Variants in MALT1 observed in about 807,000 individuals in gnomAD.
The protein encoded by MALT1 is mucosa-associated lymphoid tissue lymphoma translocation protein 1.
Under a neutral mutation model 85.5 loss-of-function variants are expected in MALT1, and 36 were observed. The observed-to-expected ratio is 0.42, with a 90% CI of 0.32 to 0.56. MALT1 has a LOEUF of 0.56. MALT1 is among the 20% of genes least tolerant of loss of function. The pLI is 0.10. For synonymous variants in MALT1, 359 were observed against 361.3 expected, an observed-to-expected ratio of 0.99 and a Z score of 0.07; for missense variants, 716 against 981.6, an observed-to-expected ratio of 0.73 and a Z score of 3.62.
At chr18:58,701,086 C>T (rs980405170) in intron 4 of MALT1, among the ~76,000 whole-genome samples, 1 of 152,124 alleles carries the variant, frequency 6.6e-6, no homozygotes, top group African/African-American at 2.4e-5. Flanking sequence ...AGCCAGCATG[C>T]CCGGCCTGCT....
At chr18:58,726,048 G>A (rs1019530583) in intron 10 of MALT1, among the ~76,000 whole-genome samples, 4 of 152,136 alleles carry the variant, frequency 2.6e-5, no homozygotes, top group African/African-American at 4.8e-5. Flanking sequence ...GCAACAAAGC[G>A]AGACTCCATC....
chr18:58,675,591 ATCAT>A (rs1471819370), intron 1 of MALT1: 2 of 152,218 alleles, frequency 1.3e-5, no homozygotes, highest in African/African-American at 2.4e-5. Context: ...TCATTCAGTA[ATCAT>A]TCATTTATGA....
Position 58,671,588 on chromosome 18 carries a change from A to C in MALT1, c.-56A>C, listed in dbSNP as rs533406974. The C allele has an allele frequency of 2.4e-4, 276 of 1,132,672 alleles. 3 individuals are homozygous for C. In the South Asian group the frequency reaches 0.011, roughly 45 times the overall value. 70.2% of individuals were successfully genotyped at this position (1,132,672 alleles called of 1,614,324 possible). A position where few individuals can be genotyped will look rare whatever the true frequency, so the allele number is the denominator to read the frequency against. ...GCGAGCGGAAGGTGCCCCGGGGCCG[A>C]GGCCCGTGACGGGGCGGGCGGGAGC... On this transcript the variant is annotated 5_prime_UTR_variant, in exon 1 of 17. Coordinates refer to ENST00000649217, the MANE Select transcript of MALT1 (RefSeq NM_006785.4).
In MALT1 at chr18:58,748,090, T is replaced by TTATA. The variant is rs1224137572; in HGVS notation, c.*250_*253dup. Reference sequence around the variant, plus strand: ...AAATGAAGTATGGAGGTGTGTATGTTTATATGTATATAACAAAATATTTTC... The same window carrying TTATA: ...AAATGAAGTATGGAGGTGTGTATGTTTATATATATGTATATAACAAAATATTTTC... On this transcript the variant is annotated 3_prime_UTR_variant, in exon 17 of 17. Transcript: ENST00000649217. 1 of 469,502 alleles carries TTATA rather than the reference T, an allele frequency of 2.1e-6. No individual in the cohort carries two copies. Among genetic ancestry groups the TTATA allele is most frequent in the Admixed American group, 3.9e-5 (1 of 25,960 alleles). The allele number at this position is 469,502 out of a possible 1,614,324, so 29.1% of individuals were successfully genotyped here.
At chr18:58,728,240 T>G (rs1313714298) in intron 10 of MALT1, among the ~76,000 whole-genome samples, 1 of 152,214 alleles carries the variant, frequency 6.6e-6, no homozygotes, top group Non-Finnish European at 1.5e-5. Flanking sequence ...TATTTTCTTC[T>G]CTATCCTTGA....
chr18:58,748,002 A>G lies in MALT1; in HGVS notation c.*160A>G. The G allele has an allele frequency of 1.7e-6, 1 of 605,038 alleles. No individual in the cohort carries two copies. The allele number at this position is 605,038 out of a possible 1,614,324, so 37.5% of individuals were successfully genotyped here. A position where few individuals can be genotyped will look rare whatever the true frequency, so the allele number is the denominator to read the frequency against. ...TTCAGGACTTTGAGATGTTGAAATT[A>G]CATTATTTAATTACAGACTTCCTCT... On this transcript the variant is annotated 3_prime_UTR_variant, in exon 17 of 17. Coordinates refer to ENST00000649217, the MANE Select transcript of MALT1 (RefSeq NM_006785.4).
At chr18:58,701,289 C>T (rs2054668783) in intron 4 of MALT1, among the ~76,000 whole-genome samples, 1 of 152,136 alleles carries the variant, frequency 6.6e-6, no homozygotes. Flanking sequence ...TTCGTTTCTC[C>T]CTGCTGCTTC....
In MALT1 at chr18:58,703,926, A is replaced by T. The variant is rs1336268750; in HGVS notation, c.649+3335A>T. Among the ~76,000 whole-genome samples, 3 of 152,184 alleles carry T rather than the reference A, an allele frequency of 2.0e-5. 1 individual carries two copies. The highest frequency in any genetic ancestry group is 4.4e-5 in the Non-Finnish European group (3 of 68,036). On this transcript the variant is annotated intron_variant, in intron 4 of 16. Coordinates refer to ENST00000649217, the MANE Select transcript of MALT1 (RefSeq NM_006785.4). ...CCATTTAACATATATATAGTCATTG[A>T]CCAGTCTAGATATTTTATATTCAGC...
intron 2 of MALT1, among the ~76,000 whole-genome samples, chr18:58,695,420 C>T (rs527743136): frequency 2.0e-4 from 31 of 152,166 alleles, no homozygotes; most frequent in Non-Finnish European, 4.3e-4. Flanking sequence ...GTCTTCCAAG[C>T]TTAGATGTTG....
At chr18:58,701,885 T>A (rs2054677409) in intron 4 of MALT1, among the ~76,000 whole-genome samples, 1 of 152,186 alleles carries the variant, frequency 6.6e-6, no homozygotes, top group Non-Finnish European at 1.5e-5. Context: ...AAACACTCAA[T>A]AACCAATAGC....
At chr18:58,740,903 CATAT>C (rs758928164) in intron 13 of MALT1, among the ~76,000 whole-genome samples, 2 of 152,082 alleles carry the variant, frequency 1.3e-5, no homozygotes, top group Admixed American at 6.6e-5. Context: ...CTTTTTACTT[CATAT>C]ATAGTGACTA....
chr18:58,700,802 T>A (rs2054661092), intron 4 of MALT1, among the ~76,000 whole-genome samples: 1 of 152,174 alleles, frequency 6.6e-6, no homozygotes, highest in Non-Finnish European at 1.5e-5. Context: ...GTTTTGTTGT[T>A]TTTTAAGACA....
chr18:58,694,980 C>G (rs1376846155), intron 2 of MALT1, among the ~76,000 whole-genome samples: 2 of 152,188 alleles, frequency 1.3e-5, no homozygotes, highest in African/African-American at 4.8e-5. Flanking sequence ...TGGGAGGGAC[C>G]TGGTGGGAGG....
At chr18:58,744,564 C>T (rs2055342094) in intron 15 of MALT1, 69 bp downstream of exon 15, 2 of 894,742 alleles carry the variant, frequency 2.2e-6, no homozygotes. Flanking sequence ...TTTTTTAAAA[C>T]TTAAAGTTGA....
intron 4 of MALT1, among the ~76,000 whole-genome samples, chr18:58,703,781 CAATTT>C (rs1462085569): frequency 5.9e-5 from 9 of 152,134 alleles, no homozygotes; most frequent in African/African-American, 2.2e-4. Flanking sequence ...CAACCTTTCT[CAATTT>C]TATTTAACTT....
At chr18:58,685,225 A>G (rs576368350) in intron 2 of MALT1, among the ~76,000 whole-genome samples, 3 of 152,212 alleles carry the variant, frequency 2.0e-5, no homozygotes, top group Non-Finnish European at 4.4e-5. Context: ...TTCCACAGGA[A>G]GTCTGATGAT....
rs79620011 is a variant in MALT1, at chr18:58,692,441, T to A, written c.377-3925T>A. 1.6e-4 allele frequency among the ~76,000 whole-genome samples: 19 copies of A among 119,630 alleles called. 2 individuals carry two copies. In the Middle Eastern group the frequency reaches 0.011, roughly 72 times the overall value. The allele number at this position is 119,630 out of a possible 152,430, so 78.5% of individuals were successfully genotyped here. ...CTCTCTCTCTCTCTCTCTCTCACTC[T>A]CTCCCTCCCTCCCTCCCTCCCTCCC... On this transcript the variant is annotated intron_variant, in intron 2 of 16. Coordinates refer to ENST00000649217, the MANE Select transcript of MALT1 (RefSeq NM_006785.4).
chr18:58,691,419 G>A (rs1245481916), intron 2 of MALT1: 3 of 480,218 alleles, frequency 6.2e-6, no homozygotes, highest in Admixed American at 2.7e-5. Flanking sequence ...GCAGCCCGTG[G>A]TTGTGCAGAG....
At chr18:58,719,762 C>T (rs762660672) in intron 9 of MALT1, among the ~76,000 whole-genome samples, 3 of 152,194 alleles carry the variant, frequency 2.0e-5, no homozygotes, top group Non-Finnish European at 2.9e-5. Flanking sequence ...AACCCCCAGC[C>T]ACTCCTTCCC....
Sources: allele counts gnomAD v4.1 joint callset (sites outside exome capture counted in the v4.1 genomes callset), GRCh38; gene constraint gnomAD v4.1.1; transcripts MANE v1.5; gene names NCBI Gene and HGNC (gene_info 2026-07-23, HGNC 2026-07-21).